Variants in TNFSF4 observed in about 807,000 individuals in gnomAD.
TNFSF4 encodes the protein TNF superfamily member 4, also known as tumor necrosis factor ligand superfamily member 4.
A neutral mutation model predicts 7.3 loss-of-function variants in TNFSF4; 4 were observed. The ratio of observed to expected loss-of-function variants is 0.55; its 90% CI spans 0.27 to 1.25. The LOEUF is 1.25. Ranked by LOEUF, TNFSF4 falls within the 50% of genes most tolerant of loss-of-function variation. The pLI, the probability that TNFSF4 is intolerant of heterozygous loss-of-function variation, is 0.12. For missense variants in TNFSF4, 181 were observed against 208.8 expected (o/e 0.87, Z 0.82); for synonymous variants, 76 against 83.7 (o/e 0.91, Z 0.50).
At chr1:173,303,741 C>A in the TNFSF4 span, among the ~76,000 whole-genome samples, 6 of 151,880 alleles carry the variant, frequency 4.0e-5, no homozygotes, top group Non-Finnish European at 8.8e-5. Flanking sequence ...GCCTTCTACA[C>A]TATTTGTGTA....
At chr1:173,290,348 A>T in the TNFSF4 span, among the ~76,000 whole-genome samples, 1 of 152,212 alleles carries the variant, frequency 6.6e-6, no homozygotes, top group African/African-American at 2.4e-5. Context: ...CAAGAGATCC[A>T]CCTCACATGT....
At chr1:173,289,309 G>A in the TNFSF4 span, among the ~76,000 whole-genome samples, 3 of 152,064 alleles carry the variant, frequency 2.0e-5, no homozygotes, top group Non-Finnish European at 4.4e-5. Context: ...GAGACACAGC[G>A]CTCACATAAG....
At chr1:173,348,650 T>C in the TNFSF4 span, among the ~76,000 whole-genome samples, 1 of 152,034 alleles carries the variant, frequency 6.6e-6, no homozygotes, top group Non-Finnish European at 1.5e-5. Flanking sequence ...ATAAAGTGTA[T>C]AAACCCCTAG....
the TNFSF4 span, among the ~76,000 whole-genome samples, chr1:173,314,278 T>C: frequency 1.3e-5 from 2 of 152,174 alleles, no homozygotes; most frequent in African/African-American, 4.8e-5. Context: ...GTATACATTT[T>C]GTTGTTTTAT....
the TNFSF4 span, among the ~76,000 whole-genome samples, chr1:173,258,195 GA>G: frequency 6.6e-6 from 1 of 151,992 alleles, no homozygotes; most frequent in African/African-American, 2.4e-5. Context: ...GAGGGGCTAA[GA>G]TAGCTGATTA....
At chr1:173,306,234 T>C in the TNFSF4 span, among the ~76,000 whole-genome samples, 1 of 151,906 alleles carries the variant, frequency 6.6e-6, no homozygotes. Flanking sequence ...TTCTAAGTAT[T>C]AGAAATTCTA....
the TNFSF4 span, chr1:173,363,208 T>G: frequency 7.1e-6 from 2 of 281,944 alleles, no homozygotes; most frequent in Non-Finnish European, 1.4e-5. Context: ...GCTCCAAACA[T>G]GTCTTTGATT....
the TNFSF4 span, among the ~76,000 whole-genome samples, chr1:173,410,296 C>T: frequency 6.6e-6 from 1 of 152,166 alleles, no homozygotes; most frequent in Non-Finnish European, 1.5e-5. Flanking sequence ...AAGATGATGA[C>T]AGCTGTCACA....
chr1:173,396,180 A>G, the TNFSF4 span, among the ~76,000 whole-genome samples: 2 of 152,180 alleles, frequency 1.3e-5, no homozygotes, highest in African/African-American at 4.8e-5. Context: ...TCATTTATAC[A>G]GTCACAAATC....
At chr1:173,345,855 A>C in the TNFSF4 span, among the ~76,000 whole-genome samples, 1 of 152,220 alleles carries the variant, frequency 6.6e-6, no homozygotes, top group Non-Finnish European at 1.5e-5. Context: ...TCAGTGGGCC[A>C]CCAGATGGAG....
chr1:173,221,927 C>A, the TNFSF4 span, among the ~76,000 whole-genome samples: 1 of 152,272 alleles, frequency 6.6e-6, no homozygotes, highest in Admixed American at 6.5e-5. Flanking sequence ...CTTGATTTTT[C>A]TCCTCTTAAA....
chr1:173,191,877 A>G (rs1009047447), intron 1 of TNFSF4, among the ~76,000 whole-genome samples: 6 of 152,200 alleles, frequency 3.9e-5, no homozygotes, highest in African/African-American at 1.4e-4. Flanking sequence ...GGTACGTGGT[A>G]AGCATTTTAA....
At chr1:173,173,533 C>A in the TNFSF4 span, among the ~76,000 whole-genome samples, 24 of 152,352 alleles carry the variant, frequency 1.6e-4, no homozygotes, top group African/African-American at 5.8e-4. Context: ...TCCATGAGGG[C>A]TCCACCCCTG....
At chr1:173,377,219 G>T in the TNFSF4 span, among the ~76,000 whole-genome samples, 12 of 152,238 alleles carry the variant, frequency 7.9e-5, no homozygotes, top group Admixed American at 2.0e-4. Context: ...AGTACCATTG[G>T]ACCCCTTTCA....
At chr1:173,335,201 C>A in the TNFSF4 span, among the ~76,000 whole-genome samples, 1 of 151,984 alleles carries the variant, frequency 6.6e-6, no homozygotes, top group Non-Finnish European at 1.5e-5. Flanking sequence ...GTTGGAAATG[C>A]CAAACCTGCC....
downstream of TNFSF4, among the ~76,000 whole-genome samples, chr1:173,178,773 C>T (rs554167353): frequency 1.6e-3 from 239 of 152,226 alleles, no homozygotes; most frequent in Non-Finnish European, 2.7e-3. Context: ...TGAATGTTAC[C>T]TCCTGGCAAA....
At chr1:173,283,777 A>T in the TNFSF4 span, among the ~76,000 whole-genome samples, 1 of 152,144 alleles carries the variant, frequency 6.6e-6, no homozygotes, top group Non-Finnish European at 1.5e-5. Context: ...AAATCTAAAC[A>T]TTTTATTTAT....
the TNFSF4 span, among the ~76,000 whole-genome samples, chr1:173,439,043 CAG>C: frequency 1.3e-5 from 2 of 152,172 alleles, no homozygotes; most frequent in Non-Finnish European, 1.5e-5. Flanking sequence ...AAGCTACGTG[CAG>C]AGAGAGAGGA....
the TNFSF4 span, among the ~76,000 whole-genome samples, chr1:173,260,895 C>A: frequency 6.6e-6 from 1 of 152,172 alleles, no homozygotes; most frequent in Non-Finnish European, 1.5e-5. Context: ...TAATGGGCAT[C>A]TTTAACACCC....
Sources: gnomAD v4.1 joint callset for allele counts (sites outside exome capture counted in the v4.1 genomes callset) on GRCh38, gnomAD v4.1.1 for gene constraint, MANE v1.5 for transcripts, NCBI Gene and HGNC (gene_info 2026-07-23, HGNC 2026-07-21) for gene names.